ATR: variants seen among roughly 807,000 people sequenced by gnomAD.
The protein encoded by ATR is ATR checkpoint kinase.
ATR carries 142 observed loss-of-function variants against 305.3 expected under a neutral mutation model. That is an observed-to-expected ratio of 0.47 (90% CI 0.41 to 0.53). The LOEUF is 0.53. ATR is among the 20% of genes least tolerant of loss of function. The pLI is 0.00. For synonymous variants in ATR, 1,050 were observed against 1,068.1 expected, an observed-to-expected ratio of 0.98 and a Z score of 0.33; for missense variants, 2,135 against 3,133.1, an observed-to-expected ratio of 0.68 and a Z score of 7.60.
chr3:142,544,452 C>CAAAAAAAAAAAAAAT (rs2034185964), intron 16 of ATR, among the ~76,000 whole-genome samples: 1 of 18,962 alleles, frequency 5.3e-5, no homozygotes, highest in East Asian at 2.3e-3. Context: ...ATCCTGCCTC[C>CAAAAAAAAAAAAAAT]AAAAAAAAAA....
intron 41 of ATR, among the ~76,000 whole-genome samples, chr3:142,462,474 CTT>C (rs201924643): frequency 2.1e-5 from 3 of 145,504 alleles, no homozygotes; most frequent in African/African-American, 2.5e-5. Context: ...TTTAATTTTT[CTT>C]TTTTTTTTTT....
chr3:142,547,954 A>G (rs775452306), intron 15 of ATR, 44 bp from the exon 16 acceptor site: 1 of 1,526,508 alleles, frequency 6.6e-7, no homozygotes. Context: ...CTTCATACTA[A>G]TATCCTGGAA....
At chr3:142,458,642 C>T (rs554402149) in intron 44 of ATR, among the ~76,000 whole-genome samples, 2 of 152,224 alleles carry the variant, frequency 1.3e-5, no homozygotes, top group South Asian at 2.1e-4. Flanking sequence ...ACTACTCTGT[C>T]TCTCTAAAAC....
intron 16 of ATR, among the ~76,000 whole-genome samples, chr3:142,546,628 G>T (rs1661508099): frequency 6.6e-6 from 1 of 152,148 alleles, no homozygotes; most frequent in African/African-American, 2.4e-5. Context: ...ACATTTAGAG[G>T]ATAAAGTAGA....
At chr3:142,527,412 G>A (rs1426250277) in intron 21 of ATR, among the ~76,000 whole-genome samples, 1 of 151,986 alleles carries the variant, frequency 6.6e-6, no homozygotes, top group East Asian at 1.9e-4. Context: ...AATCTTTTAA[G>A]CTTTCTATTT....
chr3:142,520,542 T>G lies in ATR; in HGVS notation c.4267-758A>C, dbSNP rs753233471. 2.0e-5 allele frequency among the ~76,000 whole-genome samples: 3 copies of G among 152,188 alleles called. No individual in the cohort carries two copies. In the South Asian group the frequency reaches 6.2e-4, roughly 31 times the overall value. On this transcript the variant is annotated intron_variant, in intron 23 of 46. Transcript: ENST00000350721. ...AAGAGAAACAGTCTTATTTCTGATA[T>G]AGAGAAAGTTTTAGTGGTCTGGATA...
chr3:142,546,135 G>A (rs559154520), intron 16 of ATR, among the ~76,000 whole-genome samples: 2 of 152,122 alleles, frequency 1.3e-5, no homozygotes, highest in East Asian at 3.8e-4. Context: ...AATACCACTA[G>A]AACAGAGGGT....
chr3:142,538,630 G>C lies in ATR; in HGVS notation c.3582-5C>G. On this transcript the variant is annotated splice_polypyrimidine_tract_variant and splice_region_variant and intron_variant, in intron 18 of 46. Coordinates refer to ENST00000350721, the MANE Select transcript of ATR (RefSeq NM_001184.4). ...CGAACAAAGCAGTCCCAAGCTCTAT[G>C]TGAAAAAACAAATAGAAATGAAGTC... is the stretch of plus-strand genomic sequence containing the variant. 1 of 1,613,182 alleles carries C rather than the reference G, an allele frequency of 6.2e-7. No homozygotes were observed. The highest frequency in any genetic ancestry group is 1.1e-5 in the South Asian group (1 of 91,044).
intron 1 of ATR, among the ~76,000 whole-genome samples, chr3:142,572,371 A>ATTT (rs2035298182): frequency 1.0e-4 from 5 of 48,996 alleles, no homozygotes; most frequent in Non-Finnish European, 2.3e-4. Context: ...GCCCGGCCTG[A>ATTT]CTTTTTTTTT....
chr3:142,503,964 T>C (rs2032107498), intron 29 of ATR, among the ~76,000 whole-genome samples: 1 of 152,208 alleles, frequency 6.6e-6, no homozygotes, highest in African/African-American at 2.4e-5. Flanking sequence ...AAGGTCCTGA[T>C]GTTTTAAATA....
chr3:142,465,127 T>C lies in ATR; in HGVS notation c.7011A>G (p.Arg2337=). The stretch of plus-strand genomic sequence containing the variant: ...TAATCAAGGAATTGAATTCCATTAG[T>C]CTACAATCCTTTCTCAGGTCATCTT... ...KPKDDLRKDC[R]LMEFNSLINK... is the part of the protein sequence containing the mutation. The change falls in exon 41 of 47, where the codon AGA becomes AGG. Residue 2337 remains arginine, a synonymous_variant. Transcript: ENST00000350721. 6.3e-7 allele frequency: 1 copy of C among 1,589,708 alleles called. No individual in the cohort carries two copies. Among genetic ancestry groups the C allele is most frequent in the Non-Finnish European group, 8.6e-7 (1 of 1,166,228 alleles).
intron 41 of ATR, among the ~76,000 whole-genome samples, chr3:142,463,593 TG>T (rs1303601930): frequency 6.6e-6 from 1 of 152,078 alleles, no homozygotes; most frequent in Non-Finnish European, 1.5e-5. Flanking sequence ...GAAAGGTTTT[TG>T]CCATGTTGGC....
chr3:142,452,313 C>T, intron 46 of ATR: 1 of 987,854 alleles, frequency 1.0e-6, no homozygotes, highest in Non-Finnish European at 1.2e-6. Flanking sequence ...CTGTACAAGA[C>T]TTATTAAAGA....
chr3:142,503,095 C>A (rs2032061339), intron 30 of ATR, among the ~76,000 whole-genome samples: 1 of 152,178 alleles, frequency 6.6e-6, no homozygotes, highest in African/African-American at 2.4e-5. Flanking sequence ...GAAGTCCCAT[C>A]TGAGCCTCAC....
intron 25 of ATR, 109 bp downstream of exon 25, chr3:142,515,286 T>C (rs2032809880): frequency 6.9e-7 from 1 of 1,438,996 alleles, no homozygotes. Flanking sequence ...TTTCTATGAT[T>C]ATCAGCACAA....
intron 28 of ATR, 137 bp from the exon 29 acceptor site, chr3:142,505,440 C>A (rs2032187796): frequency 1.0e-6 from 1 of 990,992 alleles, no homozygotes. Flanking sequence ...GCATTTGTTT[C>A]ATGGCAAAGT....
chr3:142,517,371 G>A (rs2032912632), intron 24 of ATR, among the ~76,000 whole-genome samples: 1 of 150,210 alleles, frequency 6.7e-6, no homozygotes, highest in Non-Finnish European at 1.5e-5. Flanking sequence ...AAAACATAAA[G>A]TAGGGAGTAT....
chr3:142,458,944 C>T lies in ATR; in HGVS notation c.7503+14G>A, dbSNP rs2108259740. On this transcript the variant is annotated intron_variant, in intron 44 of 46. Coordinates refer to ENST00000350721, the MANE Select transcript of ATR (RefSeq NM_001184.4). ...GAGAAAACACAATTAGTAAGAGTAACTCATATCACATACCTTATTGAAAAG... is the reference window on the plus strand; with the variant it reads ...GAGAAAACACAATTAGTAAGAGTAATTCATATCACATACCTTATTGAAAAG... 6.2e-7 allele frequency: 1 copy of T among 1,612,540 alleles called. No homozygotes were observed. Among genetic ancestry groups the T allele is most frequent in the Non-Finnish European group, 8.5e-7 (1 of 1,178,660 alleles).
At chr3:142,463,806 A>G (rs112117384) in intron 41 of ATR, among the ~76,000 whole-genome samples, 2,806 of 152,308 alleles carry the variant, frequency 0.018, 29 homozygotes, top group South Asian at 0.041. Context: ...AACTTTTTTT[A>G]AAAAACAAAC....
Sources: gnomAD v4.1 joint callset for allele counts (sites outside exome capture counted in the v4.1 genomes callset) on GRCh38, gnomAD v4.1.1 for gene constraint, MANE v1.5 for transcripts, NCBI Gene and HGNC (gene_info 2026-07-23, HGNC 2026-07-21) for gene names.